The following SCARB2 variants were observed in gnomAD, a reference collection of about 807,000 sequenced individuals.
The protein encoded by SCARB2 is lysosome membrane protein 2.
A neutral mutation model predicts 58.6 loss-of-function variants in SCARB2; 29 were observed. The observed-to-expected ratio is 0.49, with a 90% confidence interval of 0.37 to 0.67. SCARB2 has a LOEUF of 0.67. Ranked by LOEUF, SCARB2 falls within the 30% of genes least tolerant of loss-of-function variation. The pLI, the probability that SCARB2 is intolerant of heterozygous loss-of-function variation, is 0.00. For synonymous variants in SCARB2, 195 were observed against 210.1 expected (o/e 0.93, Z 0.62); for missense variants, 488 against 578.5 (o/e 0.84, Z 1.60).
At chr4:76,172,200 GTA>G (rs139162026) in intron 7 of SCARB2, among the ~76,000 whole-genome samples, 3,549 of 147,106 alleles carry the variant, frequency 0.024, 112 homozygotes, top group African/African-American at 0.075. Context: ...TTTGTCAGTT[GTA>G]TATATATATG....
chr4:76,228,860 G>A (rs1347741155), intron 1 of SCARB2, among the ~76,000 whole-genome samples: 2 of 152,072 alleles, frequency 1.3e-5, no homozygotes, highest in Non-Finnish European at 2.9e-5. Context: ...AATTTCCTGG[G>A]TGTTCTTTGA....
At chr4:76,228,467 A>G (rs1364327608) in intron 1 of SCARB2, among the ~76,000 whole-genome samples, 2 of 151,504 alleles carry the variant, frequency 1.3e-5, no homozygotes, top group East Asian at 3.9e-4. Context: ...CGATGGAGTA[A>G]GCCTCCATCT....
intron 2 of SCARB2, among the ~76,000 whole-genome samples, chr4:76,189,040 T>A (rs1001312989): frequency 9.2e-5 from 14 of 152,250 alleles, no homozygotes; most frequent in African/African-American, 2.9e-4. Flanking sequence ...AAATACTTTT[T>A]AATAATTGTG....
intron 2 of SCARB2, among the ~76,000 whole-genome samples, chr4:76,185,523 T>C (rs1732467064): frequency 6.6e-6 from 1 of 152,228 alleles, no homozygotes; most frequent in South Asian, 2.1e-4. Context: ...AAGACAAGGT[T>C]CAGTTATGCT....
chr4:76,225,473 A>G (rs1203777375), intron 1 of SCARB2, among the ~76,000 whole-genome samples: 3 of 152,206 alleles, frequency 2.0e-5, no homozygotes, highest in Admixed American at 6.5e-5. Context: ...TCCAGTTCTT[A>G]GGGAAATGCT....
upstream of SCARB2, chr4:76,217,519 C>G (rs1733229501): frequency 2.4e-6 from 1 of 423,030 alleles, no homozygotes; most frequent in East Asian, 3.4e-5. Flanking sequence ...CTCCTTCTCT[C>G]TCTAGCTTCC....
At chr4:76,205,897 CACA>C (rs754273122) in intron 1 of SCARB2, among the ~76,000 whole-genome samples, 2 of 152,176 alleles carry the variant, frequency 1.3e-5, no homozygotes, top group South Asian at 2.1e-4. Context: ...ACAGCACATG[CACA>C]ACAACGGATA....
intron 7 of SCARB2, among the ~76,000 whole-genome samples, chr4:76,170,508 C>T (rs56247019): frequency 0.2 from 30,947 of 151,948 alleles, 3,624 homozygotes; most frequent in East Asian, 0.35. Context: ...ATTTCTTGTC[C>T]TTTTTAAAAT....
At chr4:76,224,346 C>G (rs1296708605) in intron 1 of SCARB2, among the ~76,000 whole-genome samples, 2 of 152,094 alleles carry the variant, frequency 1.3e-5, no homozygotes, top group Non-Finnish European at 2.9e-5. Context: ...CAACTTAGAG[C>G]CAGGCACCTT....
chr4:76,173,946 T>C (rs1732187842), intron 7 of SCARB2, 198 bp downstream of exon 7: 3 of 655,252 alleles, frequency 4.6e-6, no homozygotes, highest in Admixed American at 2.4e-5. Context: ...TTTGTTTTGT[T>C]TTTTAGAGAC....
chr4:76,168,187 C>G (rs1277507887), intron 9 of SCARB2, among the ~76,000 whole-genome samples: 2 of 152,184 alleles, frequency 1.3e-5, no homozygotes, highest in Non-Finnish European at 2.9e-5. Flanking sequence ...AGAACAATAC[C>G]TGATCCATGG....
intron 2 of SCARB2, among the ~76,000 whole-genome samples, chr4:76,190,655 G>A (rs1181436393): frequency 2.0e-5 from 3 of 152,124 alleles, no homozygotes; most frequent in Non-Finnish European, 2.9e-5. Context: ...CGTGGTGGCC[G>A]TGCCTGTAAT....
chr4:76,166,592 A>G, intron 9 of SCARB2: 2 of 497,088 alleles, frequency 4.0e-6, no homozygotes, highest in South Asian at 4.2e-5. Flanking sequence ...TCGACAGAAC[A>G]AAACTGTCAC....
chr4:76,216,316 G>GA (rs1282967674), upstream of SCARB2, among the ~76,000 whole-genome samples: 5 of 151,694 alleles, frequency 3.3e-5, no homozygotes, highest in South Asian at 2.1e-4. Context: ...TCCCTAACTA[G>GA]AAAAAAAAAT....
Position 76,213,494 on chromosome 4 carries a change from A to C in SCARB2, c.50T>G (p.Leu17Arg). 2 of 1,611,380 alleles carry C rather than the reference A, an allele frequency of 1.2e-6. No individual in the cohort carries two copies. Among genetic ancestry groups the C allele is most frequent in the South Asian group, 2.2e-5 (2 of 90,490 alleles). The change falls in exon 1 of 12, where the codon CTG becomes CGG. Residue 17 changes from leucine to arginine, a missense_variant. Coordinates refer to ENST00000264896, the MANE Select transcript of SCARB2 (RefSeq NM_005506.4). Reference sequence around the variant, plus strand: ...CACCAGCAGCGTGACGCTGGTCACCAGCAGGAGCAGGGACAACGTCCCCGC... The same window carrying C: ...CACCAGCAGCGTGACGCTGGTCACCCGCAGGAGCAGGGACAACGTCCCCGC... Reference protein sequence around the residue: ...YTAGTLSLLLLVTSVTLLVAR... With the variant: ...YTAGTLSLLLRVTSVTLLVAR...
chr4:76,186,097 G>T (rs1220900830), intron 2 of SCARB2, among the ~76,000 whole-genome samples: 1 of 152,168 alleles, frequency 6.6e-6, no homozygotes, highest in Non-Finnish European at 1.5e-5. Context: ...CCACAGTAGA[G>T]CATGGGAGAC....
intron 1 of SCARB2, among the ~76,000 whole-genome samples, chr4:76,233,230 G>A (rs1436964159): frequency 2.0e-5 from 3 of 152,016 alleles, no homozygotes; most frequent in Non-Finnish European, 4.4e-5. Flanking sequence ...GCTAACTGCA[G>A]CCAAGTTTTG....
At chr4:76,231,105 C>G (rs1733486161) in intron 1 of SCARB2, among the ~76,000 whole-genome samples, 1 of 151,770 alleles carries the variant, frequency 6.6e-6, no homozygotes, top group Non-Finnish European at 1.5e-5. Context: ...AACCGTAGAA[C>G]TGAGTCCTCC....
chr4:76,202,000 T>C (rs1732837235), intron 1 of SCARB2, among the ~76,000 whole-genome samples: 1 of 152,218 alleles, frequency 6.6e-6, no homozygotes, highest in Non-Finnish European at 1.5e-5. Flanking sequence ...TCTCATTTTA[T>C]TGGTGAATTC....
Sources: allele counts gnomAD v4.1 joint callset (sites outside exome capture counted in the v4.1 genomes callset), GRCh38; gene constraint gnomAD v4.1.1; transcripts MANE v1.5; gene names NCBI Gene and HGNC (gene_info 2026-07-23, HGNC 2026-07-21).